The following ZDHHC14 variants were observed in gnomAD, a reference collection of about 807,000 sequenced individuals.
The protein encoded by ZDHHC14 is zDHHC palmitoyltransferase 14.
ZDHHC14 carries 16 observed loss-of-function variants against 47.7 expected under a neutral mutation model. The ratio of observed to expected loss-of-function variants is 0.34; its 90% CI spans 0.23 to 0.51. The LOEUF (loss-of-function observed/expected upper bound fraction) is 0.51, where lower values mean the gene tolerates loss of function less well. ZDHHC14 is among the 20% of genes least tolerant of loss of function. The pLI, the probability that ZDHHC14 is intolerant of heterozygous loss-of-function variation, is 0.97. For synonymous variants in ZDHHC14, 293 were observed against 278.9 expected (o/e 1.05, Z -0.50); for missense variants, 515 against 662.5 (o/e 0.78, Z 2.44).
At chr6:157,604,654 C>T (rs1359823928) in intron 3 of ZDHHC14, among the ~76,000 whole-genome samples, 9 of 152,158 alleles carry the variant, frequency 5.9e-5, no homozygotes, top group Non-Finnish European at 1.3e-4. Context: ...AGCAATTCTC[C>T]TGCCTCAGCC....
intron 1 of ZDHHC14, among the ~76,000 whole-genome samples, chr6:157,446,401 T>G (rs1405629292): frequency 6.6e-6 from 1 of 152,072 alleles, no homozygotes; most frequent in Non-Finnish European, 1.5e-5. Flanking sequence ...TTTTTTTGGT[T>G]TTTTTGTTTT....
chr6:157,430,324 A>T (rs1261936166), intron 1 of ZDHHC14, among the ~76,000 whole-genome samples: 1 of 152,028 alleles, frequency 6.6e-6, no homozygotes, highest in African/African-American at 2.4e-5. Flanking sequence ...AAAAAAAAAA[A>T]AAAAAAAAGC....
chr6:157,399,477 T>C (rs548433495), intron 1 of ZDHHC14, among the ~76,000 whole-genome samples: 1 of 152,358 alleles, frequency 6.6e-6, no homozygotes, highest in Admixed American at 6.5e-5. Context: ...TTAGGTCTCT[T>C]CTCATAATTT....
intron 1 of ZDHHC14, among the ~76,000 whole-genome samples, chr6:157,520,677 T>G (rs1215417780): frequency 6.6e-6 from 1 of 152,258 alleles, no homozygotes; most frequent in African/African-American, 2.4e-5. Flanking sequence ...TTCTATAGAA[T>G]GTCTTTTAGA....
intron 1 of ZDHHC14, among the ~76,000 whole-genome samples, chr6:157,470,482 G>A (rs1382239177): frequency 6.6e-6 from 1 of 152,190 alleles, no homozygotes; most frequent in Non-Finnish European, 1.5e-5. Context: ...GCCCATGATA[G>A]TATATGGATT....
At chr6:157,507,032 T>G (rs140849274) in intron 1 of ZDHHC14, among the ~76,000 whole-genome samples, 4,279 of 152,188 alleles carry the variant, frequency 0.028, 179 homozygotes, top group African/African-American at 0.097. Context: ...GTTTCAACTG[T>G]TTTTGGTATT....
At chr6:157,514,798 A>G (rs1288026327) in intron 1 of ZDHHC14, among the ~76,000 whole-genome samples, 4 of 152,150 alleles carry the variant, frequency 2.6e-5, no homozygotes, top group Admixed American at 1.3e-4. Context: ...CACCGATGGT[A>G]TAGGCACAAA....
At chr6:157,507,864 T>A (rs1171859474) in intron 1 of ZDHHC14, among the ~76,000 whole-genome samples, 3 of 152,236 alleles carry the variant, frequency 2.0e-5, no homozygotes, top group Admixed American at 6.5e-5. Context: ...TCCCTGCTTT[T>A]GGTGGAAAAC....
At chr6:157,490,806 A>C (rs1779895822) in intron 1 of ZDHHC14, among the ~76,000 whole-genome samples, 1 of 152,230 alleles carries the variant, frequency 6.6e-6, no homozygotes. Context: ...CAGTAGTGAT[A>C]AGACTAATGG....
chr6:157,662,001 C>G (rs1241075763), intron 8 of ZDHHC14, among the ~76,000 whole-genome samples: 1 of 150,956 alleles, frequency 6.6e-6, no homozygotes, highest in African/African-American at 2.4e-5. Context: ...TTTTGATAAT[C>G]TTGGAAAAGC....
chr6:157,426,362 G>T (rs886408189), intron 1 of ZDHHC14, among the ~76,000 whole-genome samples: 3 of 152,166 alleles, frequency 2.0e-5, no homozygotes, highest in Admixed American at 2.0e-4. Flanking sequence ...GCAATTTTAA[G>T]GGAAAAATCA....
chr6:157,526,862 T>C (rs1394267725), intron 1 of ZDHHC14, among the ~76,000 whole-genome samples: 1 of 151,966 alleles, frequency 6.6e-6, no homozygotes, highest in East Asian at 1.9e-4. Context: ...GGGACCTGGG[T>C]AGATGTTAAT....
At chr6:157,470,753 C>T (rs529302884) in intron 1 of ZDHHC14, among the ~76,000 whole-genome samples, 1 of 152,214 alleles carries the variant, frequency 6.6e-6, no homozygotes, top group African/African-American at 2.4e-5. Flanking sequence ...ACATTAATAT[C>T]ATGGTAGGCT....
At chr6:157,595,140 C>G (rs1475126805) in intron 3 of ZDHHC14, among the ~76,000 whole-genome samples, 2 of 142,328 alleles carry the variant, frequency 1.4e-5, no homozygotes, top group Non-Finnish European at 3.0e-5. Flanking sequence ...AATTTGTCCA[C>G]TCATTTATCC....
intron 8 of ZDHHC14, among the ~76,000 whole-genome samples, chr6:157,663,588 C>T (rs1778429625): frequency 6.6e-6 from 1 of 152,252 alleles, no homozygotes; most frequent in East Asian, 1.9e-4. Context: ...TGTACATTTA[C>T]CGGCCATTCA....
chr6:157,629,889 A>G (rs1334604498), intron 4 of ZDHHC14: 1 of 152,244 alleles, frequency 6.6e-6, no homozygotes. Context: ...CTAGGGCATT[A>G]TATGTTATTT....
intron 5 of ZDHHC14, among the ~76,000 whole-genome samples, chr6:157,640,300 T>G (rs1247165014): frequency 1.3e-5 from 2 of 152,230 alleles, no homozygotes; most frequent in African/African-American, 4.8e-5. Flanking sequence ...GTTGATTGAT[T>G]CTCCATTTGC....
chr6:157,552,372 C>T (rs1395849800), intron 2 of ZDHHC14, among the ~76,000 whole-genome samples: 1 of 152,000 alleles, frequency 6.6e-6, no homozygotes, highest in South Asian at 2.1e-4. Context: ...ACAATAATCT[C>T]TGGAACAGCC....
chr6:157,628,697 C>T (rs910982500), intron 4 of ZDHHC14: 8 of 587,232 alleles, frequency 1.4e-5, no homozygotes, highest in Non-Finnish European at 2.0e-5. Context: ...CTCCCCACCC[C>T]ATCTTTCACA....
Sources: allele counts gnomAD v4.1 joint callset (sites outside exome capture counted in the v4.1 genomes callset), GRCh38; gene constraint gnomAD v4.1.1; transcripts MANE v1.5; gene names NCBI Gene and HGNC (gene_info 2026-07-23, HGNC 2026-07-21).